Variants in ZBTB16 observed in about 807,000 individuals in gnomAD.
The protein encoded by ZBTB16 is zinc finger and BTB domain-containing protein 16.
Under a neutral mutation model 56.8 loss-of-function variants are expected in ZBTB16, and 8 were observed. That is an observed-to-expected ratio of 0.14 (90% CI 0.08 to 0.25). ZBTB16 has a LOEUF of 0.25. ZBTB16 is among the 10% of genes least tolerant of loss of function. The pLI is 1.00. For synonymous variants in ZBTB16, 363 were observed against 368.5 expected (o/e 0.98, Z 0.17); for missense variants, 625 against 903.0 (o/e 0.69, Z 3.95).
At chr11:114,148,356 C>G (rs1157644177) in intron 2 of ZBTB16, among the ~76,000 whole-genome samples, 8 of 139,212 alleles carry the variant, frequency 5.7e-5, no homozygotes, top group African/African-American at 1.6e-4. Flanking sequence ...TTCCTTCCTT[C>G]CTTCCTTCCT....
intron 3 of ZBTB16, among the ~76,000 whole-genome samples, chr11:114,166,319 C>G (rs1468223810): frequency 6.6e-6 from 1 of 151,400 alleles, no homozygotes; most frequent in Non-Finnish European, 1.5e-5. Flanking sequence ...TTCTGTGGAG[C>G]TTGCAGACTC....
intron 2 of ZBTB16, among the ~76,000 whole-genome samples, chr11:114,067,913 C>G (rs1939180781): frequency 1.3e-5 from 2 of 151,782 alleles, no homozygotes; most frequent in Admixed American, 1.3e-4. Flanking sequence ...TTTTTCTCCC[C>G]CTCACCCTCA....
intron 2 of ZBTB16, among the ~76,000 whole-genome samples, chr11:114,134,793 A>G (rs1941755792): frequency 6.6e-6 from 1 of 152,238 alleles, no homozygotes; most frequent in South Asian, 2.1e-4. Context: ...AAATGGATAA[A>G]AGAAATGGAA....
At chr11:114,171,700 A>G (rs766568407) in intron 3 of ZBTB16, among the ~76,000 whole-genome samples, 2 of 152,190 alleles carry the variant, frequency 1.3e-5, no homozygotes, top group Non-Finnish European at 2.9e-5. Flanking sequence ...TTGGGAGCAT[A>G]CATAGAGTTC....
chr11:114,099,028 C>G (rs2137748166), intron 2 of ZBTB16, among the ~76,000 whole-genome samples: 1 of 152,262 alleles, frequency 6.6e-6, no homozygotes, highest in South Asian at 2.1e-4. Context: ...ATTAAAGTAG[C>G]CTGGTAACTG....
At chr11:114,129,389 T>G (rs975863980) in intron 2 of ZBTB16, among the ~76,000 whole-genome samples, 18 of 152,218 alleles carry the variant, frequency 1.2e-4, no homozygotes, top group Non-Finnish European at 2.4e-4. Context: ...CAAATCACTT[T>G]CAAATTTACT....
chr11:114,079,111 A>AAAG (rs201996900), intron 2 of ZBTB16, among the ~76,000 whole-genome samples: 1 of 81,328 alleles, frequency 1.2e-5, no homozygotes, highest in Non-Finnish European at 2.9e-5. Context: ...AAAAAAAAAA[A>AAAG]AAGAAGAAGA....
chr11:114,161,102 T>G (rs1298957317), intron 3 of ZBTB16, among the ~76,000 whole-genome samples: 1 of 152,178 alleles, frequency 6.6e-6, no homozygotes, highest in Non-Finnish European at 1.5e-5. Context: ...ACACGAGAAG[T>G]GATTCCTAGC....
chr11:114,149,248 A>C (rs759003407), intron 2 of ZBTB16, among the ~76,000 whole-genome samples: 33 of 152,222 alleles, frequency 2.2e-4, no homozygotes, highest in Non-Finnish European at 4.3e-4. Context: ...GGATATCTGC[A>C]GAGCCAGGTC....
chr11:114,242,673 A>G (rs405599), intron 5 of ZBTB16, among the ~76,000 whole-genome samples: 17,882 of 152,084 alleles, frequency 0.12, 1,238 homozygotes, highest in African/African-American at 0.18. Flanking sequence ...AGGGATTCTC[A>G]TGTAGGTAGA....
rs576788292 is a variant in ZBTB16 at position 114,173,490 on chromosome 11, G to T, written c.1367-13462G>T. The stretch of plus-strand genomic sequence containing the variant: ...TCACAGTGGAAGCACATCCGTACCC[G>T]TATATGTGTATTAATGACTTTAAAG... On this transcript the variant is annotated intron_variant, in intron 3 of 6. Coordinates refer to ENST00000335953, the MANE Select transcript of ZBTB16 (RefSeq NM_006006.6). 4.7e-3 allele frequency among the ~76,000 whole-genome samples: 722 copies of T among 152,278 alleles called. 2 individuals are homozygous for T. Among genetic ancestry groups the T allele is most frequent in the African/African-American group, 0.016 (679 of 41,538 alleles).
At chr11:114,166,070 G>A (rs1250106159) in intron 3 of ZBTB16, among the ~76,000 whole-genome samples, 5 of 152,030 alleles carry the variant, frequency 3.3e-5, no homozygotes, top group Non-Finnish European at 7.4e-5. Flanking sequence ...ACTAACCCTC[G>A]GTGACTGTCA....
intron 2 of ZBTB16, among the ~76,000 whole-genome samples, chr11:114,095,502 C>T (rs181688762): frequency 4.5e-4 from 68 of 152,148 alleles, no homozygotes; most frequent in East Asian, 4.5e-3. Flanking sequence ...CCTCGTGGTC[C>T]GCCCGCCTTG....
chr11:114,191,739 A>G (rs568524638), intron 4 of ZBTB16, among the ~76,000 whole-genome samples: 16 of 152,186 alleles, frequency 1.1e-4, no homozygotes, highest in Non-Finnish European at 2.1e-4. Flanking sequence ...ACATATCCTT[A>G]TCACTAAGTG....
At chr11:114,118,489 T>G (rs543389215) in intron 2 of ZBTB16, among the ~76,000 whole-genome samples, 2 of 152,314 alleles carry the variant, frequency 1.3e-5, no homozygotes, top group African/African-American at 4.8e-5. Flanking sequence ...GCTAGAGTTT[T>G]GGGAAGGATT....
intron 4 of ZBTB16, among the ~76,000 whole-genome samples, chr11:114,217,460 G>A (rs769636660): frequency 3.3e-5 from 5 of 152,128 alleles, no homozygotes; most frequent in Non-Finnish European, 7.3e-5. Context: ...AGAGGCCTTC[G>A]GGGTGACGTC....
intron 2 of ZBTB16, among the ~76,000 whole-genome samples, chr11:114,115,313 T>C (rs1337561620): frequency 6.6e-6 from 1 of 151,782 alleles, no homozygotes. Flanking sequence ...AGACTTTTTG[T>C]TGGTGTTGTT....
chr11:114,114,349 G>A (rs1395682035), intron 2 of ZBTB16, among the ~76,000 whole-genome samples: 1 of 152,220 alleles, frequency 6.6e-6, no homozygotes, highest in Non-Finnish European at 1.5e-5. Flanking sequence ...GGGCTTCAGT[G>A]TATATGAGCA....
chr11:114,079,056 GC>G (rs1354750638), intron 2 of ZBTB16, among the ~76,000 whole-genome samples: 6 of 150,524 alleles, frequency 4.0e-5, no homozygotes, highest in Non-Finnish European at 8.9e-5. Flanking sequence ...GTTGCAGTGA[GC>G]CCAGATCCTG....
Sources: allele counts gnomAD v4.1 joint callset (sites outside exome capture counted in the v4.1 genomes callset), GRCh38; gene constraint gnomAD v4.1.1; transcripts MANE v1.5; gene names NCBI Gene and HGNC (gene_info 2026-07-23, HGNC 2026-07-21).